Variants in ZFAT observed in about 807,000 individuals in gnomAD.
The protein encoded by ZFAT is zinc finger protein ZFAT.
In ZFAT, 64 loss-of-function variants were observed where a neutral mutation model predicts 117.7. The observed-to-expected ratio is 0.54, with a 90% confidence interval of 0.44 to 0.67. ZFAT has a LOEUF of 0.67. Among genes scored for constraint, ZFAT ranks in the 30% least tolerant of loss-of-function variants. The probability of loss-of-function intolerance (pLI) is 0.00; values close to 1 mark genes in which losing one functional copy is unlikely to be tolerated. For missense variants in ZFAT, 1,433 were observed against 1,584.5 expected, an observed-to-expected ratio of 0.90 and a Z score of 1.62; for synonymous variants, 679 against 615.0, an observed-to-expected ratio of 1.10 and a Z score of -1.54.
intron 2 of ZFAT, among the ~76,000 whole-genome samples, chr8:134,644,315 G>A (rs1234573671): frequency 6.6e-6 from 1 of 152,154 alleles, no homozygotes; most frequent in African/African-American, 2.4e-5. Flanking sequence ...CCTGCAGAGG[G>A]TCTGAAATCA....
At chr8:134,525,267 C>G (rs1820941122) in intron 12 of ZFAT, among the ~76,000 whole-genome samples, 1 of 152,116 alleles carries the variant, frequency 6.6e-6, no homozygotes. Flanking sequence ...CAAACAGTCC[C>G]CTCTATATCT....
At chr8:134,658,324 G>A (rs540836736) in intron 1 of ZFAT, among the ~76,000 whole-genome samples, 11 of 81,138 alleles carry the variant, frequency 1.4e-4, no homozygotes, top group African/African-American at 6.5e-4. Context: ...GCGACAGAGC[G>A]AGATTCTGTC....
intron 11 of ZFAT, among the ~76,000 whole-genome samples, chr8:134,535,505 C>T (rs1219584141): frequency 7.5e-6 from 1 of 132,878 alleles, no homozygotes; most frequent in Non-Finnish European, 1.6e-5. Context: ...CCCCCTCCCT[C>T]TCCCTCCCTC....
At chr8:134,741,767 C>A in the ZFAT span, among the ~76,000 whole-genome samples, 1 of 152,010 alleles carries the variant, frequency 6.6e-6, no homozygotes, top group Admixed American at 6.6e-5. Context: ...GGAACACACC[C>A]AAATCTCACT....
intron 12 of ZFAT, among the ~76,000 whole-genome samples, chr8:134,532,592 G>C (rs923582744): frequency 1.3e-5 from 2 of 152,240 alleles, no homozygotes; most frequent in African/African-American, 4.8e-5. Flanking sequence ...ATTTGTGTGT[G>C]AATTTTTACT....
intron 7 of ZFAT, among the ~76,000 whole-genome samples, chr8:134,596,376 T>C (rs987616455): frequency 6.6e-5 from 10 of 152,228 alleles, no homozygotes; most frequent in Non-Finnish European, 1.3e-4. Flanking sequence ...GTTTTATCCA[T>C]TTCATGGCAG....
intron 12 of ZFAT, among the ~76,000 whole-genome samples, chr8:134,530,816 A>C (rs1821350411): frequency 6.6e-6 from 1 of 152,224 alleles, no homozygotes; most frequent in South Asian, 2.1e-4. Context: ...TATAATAACT[A>C]TTCACATGGC....
upstream of ZFAT, among the ~76,000 whole-genome samples, chr8:134,714,567 G>T (rs1246008024): frequency 1.3e-5 from 2 of 152,078 alleles, no homozygotes; most frequent in Non-Finnish European, 2.9e-5. Flanking sequence ...CCTGTTCTTG[G>T]GAAATACGGA....
the ZFAT span, among the ~76,000 whole-genome samples, chr8:134,789,348 CA>C: frequency 6.6e-6 from 1 of 152,130 alleles, no homozygotes. Context: ...AGAATACAGC[CA>C]ATATTCCTTC....
intron 14 of ZFAT, among the ~76,000 whole-genome samples, 154 bp downstream of exon 14, chr8:134,512,321 G>A (rs753801895): frequency 4.6e-5 from 7 of 152,340 alleles, no homozygotes; most frequent in African/African-American, 7.2e-5. Context: ...AGATCTCTGG[G>A]GGCTGGCAAT....
the ZFAT span, among the ~76,000 whole-genome samples, chr8:134,791,811 G>T: frequency 1.1e-4 from 17 of 152,308 alleles, no homozygotes; most frequent in Middle Eastern, 3.4e-3. Context: ...AGATAGCCAT[G>T]TTACGCAGTT....
At chr8:134,813,297 G>A in the ZFAT span, among the ~76,000 whole-genome samples, 1 of 152,198 alleles carries the variant, frequency 6.6e-6, no homozygotes, top group Admixed American at 6.5e-5. Context: ...GATTCTGGCT[G>A]CCTTCTTCCT....
At chr8:134,775,758 G>A in the ZFAT span, among the ~76,000 whole-genome samples, 2 of 152,152 alleles carry the variant, frequency 1.3e-5, no homozygotes, top group African/African-American at 4.8e-5. Flanking sequence ...GTTGTCTTAT[G>A]TAGGAAGATT....
At chr8:134,765,870 A>C in the ZFAT span, 1 of 152,216 alleles carries the variant, frequency 6.6e-6, no homozygotes, top group Non-Finnish European at 1.5e-5. Context: ...TGCGTAAGAA[A>C]AATAAATGAG....
intron 1 of ZFAT, among the ~76,000 whole-genome samples, chr8:134,707,458 C>T (rs909664483): frequency 6.6e-6 from 1 of 152,076 alleles, no homozygotes; most frequent in Admixed American, 6.6e-5. Flanking sequence ...ATAATAATAA[C>T]CCTAAGGGGC....
At chr8:134,802,332 A>G in the ZFAT span, among the ~76,000 whole-genome samples, 1 of 152,252 alleles carries the variant, frequency 6.6e-6, no homozygotes, top group Non-Finnish European at 1.5e-5. Context: ...AATAATGCAC[A>G]TTGATCCAAT....
chr8:134,813,378 G>A, the ZFAT span, among the ~76,000 whole-genome samples: 1 of 152,130 alleles, frequency 6.6e-6, no homozygotes, highest in Non-Finnish European at 1.5e-5. Flanking sequence ...GATAATACCA[G>A]ATCACCTACC....
chr8:134,632,784 A>G (rs1829974170), intron 3 of ZFAT, among the ~76,000 whole-genome samples: 2 of 152,252 alleles, frequency 1.3e-5, no homozygotes. Flanking sequence ...AAATATTTTC[A>G]GCATATATGA....
At chr8:134,745,940 G>A in the ZFAT span, among the ~76,000 whole-genome samples, 1 of 152,152 alleles carries the variant, frequency 6.6e-6, no homozygotes, top group Admixed American at 6.5e-5. Context: ...GCCTTTGCTG[G>A]TTACCATTTA....
Sources: gnomAD v4.1 joint callset for allele counts (sites outside exome capture counted in the v4.1 genomes callset) on GRCh38, gnomAD v4.1.1 for gene constraint, MANE v1.5 for transcripts, NCBI Gene and HGNC (gene_info 2026-07-23, HGNC 2026-07-21) for gene names.